Variants in FHIT observed in about 807,000 individuals in gnomAD.
FHIT encodes bis(5'-adenosyl)-triphosphatase.
Under a neutral mutation model 17.9 loss-of-function variants are expected in FHIT, and 19 were observed. The ratio of observed to expected loss-of-function variants is 1.06; its 90% confidence interval spans 0.74 to 1.56. The LOEUF is 1.56. Among genes scored for constraint, FHIT ranks in the 40% most tolerant of loss-of-function variants. FHIT has a pLI of 0.00. For synonymous variants in FHIT, 81 were observed against 69.7 expected (o/e 1.16, Z -0.81); for missense variants, 248 against 189.2 (o/e 1.31, Z -1.82).
intron 7 of FHIT, among the ~76,000 whole-genome samples, chr3:59,980,362 T>A (rs1379465856): frequency 6.6e-6 from 1 of 152,218 alleles, no homozygotes; most frequent in Non-Finnish European, 1.5e-5. Flanking sequence ...ATATTCTTCA[T>A]ACTTCAAAAC....
intron 4 of FHIT, among the ~76,000 whole-genome samples, chr3:60,562,854 T>C (rs2036999818): frequency 6.6e-6 from 1 of 152,166 alleles, no homozygotes; most frequent in East Asian, 1.9e-4. Flanking sequence ...TTGGAATTCA[T>C]TTGAGAAATT....
chr3:60,889,890 G>C (rs7643970), intron 3 of FHIT, among the ~76,000 whole-genome samples: 41,858 of 151,976 alleles, frequency 0.28, 6,982 homozygotes, highest in African/African-American at 0.46. Context: ...TTTGTCAAAA[G>C]GGGAAACTCA....
intron 5 of FHIT, among the ~76,000 whole-genome samples, chr3:60,324,700 TCCACTATATGGC>T (rs1709602298): frequency 6.6e-6 from 1 of 152,170 alleles, no homozygotes; most frequent in Non-Finnish European, 1.5e-5. Context: ...AACAAATGCG[TCCACTATATGGC>T]TTGATTTGAT....
At chr3:59,843,505 G>C (rs1351887382) in intron 8 of FHIT, among the ~76,000 whole-genome samples, 1 of 152,114 alleles carries the variant, frequency 6.6e-6, no homozygotes, top group Non-Finnish European at 1.5e-5. Context: ...AGATCGCTTT[G>C]TATAGTATTG....
chr3:60,264,516 A>G (rs537187316), intron 5 of FHIT, among the ~76,000 whole-genome samples: 8 of 152,126 alleles, frequency 5.3e-5, no homozygotes, highest in Non-Finnish European at 1.0e-4. Flanking sequence ...CTTTATCACT[A>G]TAAGTTACTG....
intron 5 of FHIT, among the ~76,000 whole-genome samples, chr3:60,343,966 C>T (rs1439478298): frequency 6.6e-6 from 1 of 152,140 alleles, no homozygotes. Context: ...AATGCAACAG[C>T]TCCAATTTTA....
At chr3:60,409,246 C>T (rs1003054525) in intron 5 of FHIT, among the ~76,000 whole-genome samples, 1 of 152,138 alleles carries the variant, frequency 6.6e-6, no homozygotes, top group African/African-American at 2.4e-5. Flanking sequence ...GGGTAAACTT[C>T]TAAGCAAAGA....
At chr3:59,881,832 C>T (rs954635633) in intron 8 of FHIT, among the ~76,000 whole-genome samples, 2 of 152,040 alleles carry the variant, frequency 1.3e-5, no homozygotes, top group Non-Finnish European at 2.9e-5. Flanking sequence ...TAATTAAATG[C>T]AAATTGAAAT....
At chr3:60,799,551 C>T (rs1553731622) in intron 4 of FHIT, among the ~76,000 whole-genome samples, 3 of 152,306 alleles carry the variant, frequency 2.0e-5, no homozygotes, top group African/African-American at 7.2e-5. Flanking sequence ...TTGTGCACTT[C>T]CTTCCTTGCC....
chr3:61,132,578 T>C (rs1462557652), intron 2 of FHIT, among the ~76,000 whole-genome samples: 1 of 152,070 alleles, frequency 6.6e-6, no homozygotes, highest in Non-Finnish European at 1.5e-5. Flanking sequence ...AAATGTGACA[T>C]TTACATAGGG....
chr3:59,943,466 T>C (rs890043689), intron 7 of FHIT, among the ~76,000 whole-genome samples: 1 of 152,166 alleles, frequency 6.6e-6, no homozygotes, highest in Non-Finnish European at 1.5e-5. Flanking sequence ...TCCCAGCCTT[T>C]CCTGCATGGA....
At chr3:60,135,078 G>C (rs1699759960) in intron 5 of FHIT, among the ~76,000 whole-genome samples, 1 of 152,094 alleles carries the variant, frequency 6.6e-6, no homozygotes, top group African/African-American at 2.4e-5. Context: ...CAAATAAAAA[G>C]GGCAAAGTCA....
intron 2 of FHIT, among the ~76,000 whole-genome samples, chr3:61,128,657 C>T (rs1243870360): frequency 1.3e-5 from 2 of 152,028 alleles, no homozygotes; most frequent in Admixed American, 6.6e-5. Flanking sequence ...CTCTCTAGTT[C>T]GTTGATTTCA....
intron 5 of FHIT, among the ~76,000 whole-genome samples, chr3:60,296,781 A>G (rs1286573303): frequency 6.6e-6 from 1 of 152,054 alleles, no homozygotes; most frequent in African/African-American, 2.4e-5. Flanking sequence ...TTTATTTTCT[A>G]AAAGTGTTAC....
At chr3:59,810,290 C>CAG (rs776299613) in intron 8 of FHIT, among the ~76,000 whole-genome samples, 181 of 152,270 alleles carry the variant, frequency 1.2e-3, no homozygotes, top group Non-Finnish European at 1.8e-3. Flanking sequence ...TGTAGAGGCT[C>CAG]AGAGAGAGTG....
chr3:59,752,208 A>G lies in FHIT; in HGVS notation c.*5+13T>C, dbSNP rs373153936. 39 of 1,596,138 alleles carry G rather than the reference A, an allele frequency of 2.4e-5. No individual in the cohort carries two copies. The African/African-American group carries it at 4.6e-4, about 19-fold the overall frequency. On this transcript the variant is annotated intron_variant, in intron 9 of 9. Coordinates refer to ENST00000492590, the MANE Select transcript of FHIT (RefSeq NM_002012.4). Reference sequence around the variant, plus strand: ...ACGGGAGGGTCTGGGTAATGACGAAATGCAGTCTTTACCTGTGTCACTGAA... The same window carrying G: ...ACGGGAGGGTCTGGGTAATGACGAAGTGCAGTCTTTACCTGTGTCACTGAA...
chr3:60,427,082 T>C (rs961034712), intron 5 of FHIT, among the ~76,000 whole-genome samples: 1 of 152,200 alleles, frequency 6.6e-6, no homozygotes, highest in East Asian at 1.9e-4. Context: ...CCTATTCAGG[T>C]GAGCCATTTT....
intron 5 of FHIT, among the ~76,000 whole-genome samples, chr3:60,067,487 C>A (rs1246455063): frequency 6.6e-6 from 1 of 152,166 alleles, no homozygotes; most frequent in South Asian, 2.1e-4. Context: ...AAAGAACCCT[C>A]TATTTCATCT....
intron 3 of FHIT, among the ~76,000 whole-genome samples, chr3:60,970,229 T>C (rs1475780885): frequency 6.6e-6 from 1 of 152,206 alleles, no homozygotes; most frequent in Non-Finnish European, 1.5e-5. Flanking sequence ...AGTGCTGTTA[T>C]TTGCTTTCAA....
Sources: allele counts gnomAD v4.1 joint callset (sites outside exome capture counted in the v4.1 genomes callset), GRCh38; gene constraint gnomAD v4.1.1; transcripts MANE v1.5; gene names NCBI Gene and HGNC (gene_info 2026-07-23, HGNC 2026-07-21).